Variants in COX7B2 observed in about 807,000 individuals in gnomAD.
The protein encoded by COX7B2 is cytochrome c oxidase subunit 7B2, mitochondrial.
For missense variants in COX7B2, 109 were observed against 95.9 expected (o/e 1.14, Z -0.57); for synonymous variants, 37 against 32.1 (o/e 1.15, Z -0.51).
chr4:46,794,837 C>T (rs1036222636), intron 2 of COX7B2, among the ~76,000 whole-genome samples: 3 of 152,210 alleles, frequency 2.0e-5, no homozygotes, highest in African/African-American at 7.2e-5. Flanking sequence ...TAGTAGGAGC[C>T]TACTAAATTC....
chr4:46,891,455 A>G (rs1719426074), intron 1 of COX7B2, among the ~76,000 whole-genome samples: 1 of 152,184 alleles, frequency 6.6e-6, no homozygotes, highest in African/African-American at 2.4e-5. Flanking sequence ...GGGAGCAGCA[A>G]TGAGGCAAGG....
At chr4:46,866,654 C>A (rs1335300236) in intron 1 of COX7B2, among the ~76,000 whole-genome samples, 2 of 152,048 alleles carry the variant, frequency 1.3e-5, no homozygotes, top group African/African-American at 2.4e-5. Context: ...CCTGAGACAA[C>A]CCTAAGGAAT....
At chr4:46,821,085 G>A (rs997280115) in intron 2 of COX7B2, among the ~76,000 whole-genome samples, 1 of 151,966 alleles carries the variant, frequency 6.6e-6, no homozygotes, top group Non-Finnish European at 1.5e-5. Context: ...CCACTTCTGC[G>A]TTTCGTATCT....
At chr4:46,847,638 AGTAAT>A (rs1259680061) in intron 1 of COX7B2, among the ~76,000 whole-genome samples, 3 of 152,132 alleles carry the variant, frequency 2.0e-5, no homozygotes, top group Non-Finnish European at 4.4e-5. Flanking sequence ...CCAATGGAAA[AGTAAT>A]GTAATTCCTG....
intron 2 of COX7B2, among the ~76,000 whole-genome samples, chr4:46,787,218 C>T (rs755453345): frequency 6.6e-6 from 1 of 152,112 alleles, no homozygotes; most frequent in Non-Finnish European, 1.5e-5. Context: ...GAAGTCGAGG[C>T]GGGCAGATCA....
At chr4:46,810,218 A>G (rs77357531) in intron 2 of COX7B2, among the ~76,000 whole-genome samples, 3 of 152,094 alleles carry the variant, frequency 2.0e-5, no homozygotes, top group African/African-American at 7.2e-5. Flanking sequence ...AAATGGATCA[A>G]ATTATCCAAT....
chr4:46,746,626 A>G (rs1381224734), intron 2 of COX7B2, among the ~76,000 whole-genome samples: 2 of 152,344 alleles, frequency 1.3e-5, no homozygotes, highest in Middle Eastern at 6.8e-3. Context: ...TTTTGTTTCT[A>G]TATCTAAAGT....
chr4:46,881,065 A>G (rs1312777944), intron 1 of COX7B2, among the ~76,000 whole-genome samples: 1 of 151,106 alleles, frequency 6.6e-6, no homozygotes, highest in African/African-American at 2.4e-5. Context: ...ATTTTCTTCA[A>G]TTCAGCTCTA....
chr4:46,850,403 G>A (rs1716597734), intron 1 of COX7B2, among the ~76,000 whole-genome samples: 1 of 151,936 alleles, frequency 6.6e-6, no homozygotes. Context: ...AGGACAAGCT[G>A]GTGAGCATTT....
intron 2 of COX7B2, among the ~76,000 whole-genome samples, chr4:46,833,187 G>C (rs902828851): frequency 6.6e-6 from 1 of 152,102 alleles, no homozygotes; most frequent in African/African-American, 2.4e-5. Context: ...TTACAGGTGT[G>C]AGCCACCGCG....
At chr4:46,763,040 T>TTATTA in intron 2 of COX7B2, among the ~76,000 whole-genome samples, 1 of 131,286 alleles carries the variant, frequency 7.6e-6, no homozygotes, top group Non-Finnish European at 1.6e-5. Flanking sequence ...ATAATATATA[T>TTATTA]TATATATTAT....
At chr4:46,850,420 C>G (rs1163122846) in intron 1 of COX7B2, among the ~76,000 whole-genome samples, 1 of 151,966 alleles carries the variant, frequency 6.6e-6, no homozygotes, top group East Asian at 1.9e-4. Context: ...ATTTTCAAGA[C>G]GGAGCGGGAA....
Position 46,790,160 on chromosome 4 carries a change from C to G in COX7B2, c.-50+54800G>C, listed in dbSNP as rs181783033. On this transcript the variant is annotated intron_variant, in intron 2 of 2. Coordinates refer to ENST00000355591, the MANE Select transcript of COX7B2 (RefSeq NM_130902.3). ...GCTTAGACTCAAGAAACAGAAAAAT[C>G]TGAAGCAGGAACAGAACGAGCAATT... Among the ~76,000 whole-genome samples, 187 of 152,290 alleles carry G rather than the reference C, an allele frequency of 1.2e-3. 1 individual carries two copies. Among genetic ancestry groups the G allele is most frequent in the African/African-American group, 4.3e-3 (177 of 41,568 alleles).
chr4:46,751,598 C>A lies in COX7B2; in HGVS notation c.-49-16357G>T, dbSNP rs73813506. Among the ~76,000 whole-genome samples the A allele has an allele frequency of 3.0e-3, 462 of 152,096 alleles. 4 individuals are homozygous for A. Among genetic ancestry groups the A allele is most frequent in the African/African-American group, 0.011 (438 of 41,516 alleles). On this transcript the variant is annotated intron_variant, in intron 2 of 2. Coordinates refer to ENST00000355591, the MANE Select transcript of COX7B2 (RefSeq NM_130902.3). The stretch of plus-strand genomic sequence containing the variant: ...TTTAGTGTGAGAGCAAGCTATTTAG[C>A]AACCACAAGCCTATATACTTGTAGT...
intron 1 of COX7B2, among the ~76,000 whole-genome samples, chr4:46,886,833 A>G (rs1258410532): frequency 2.0e-5 from 3 of 152,198 alleles, no homozygotes; most frequent in Non-Finnish European, 4.4e-5. Flanking sequence ...CATTAGTTCA[A>G]TATGCAAAAA....
chr4:46,759,300 T>G (rs1458368216), intron 2 of COX7B2, among the ~76,000 whole-genome samples: 1 of 152,058 alleles, frequency 6.6e-6, no homozygotes, highest in Non-Finnish European at 1.5e-5. Flanking sequence ...AGATCAACTA[T>G]GAGGAAAATA....
intron 2 of COX7B2, among the ~76,000 whole-genome samples, chr4:46,762,721 C>T (rs748255198): frequency 8.8e-5 from 13 of 147,306 alleles, no homozygotes; most frequent in Non-Finnish European, 1.8e-4. Flanking sequence ...TGGTACTACT[C>T]TTGTTAAATC....
chr4:46,758,932 A>T (rs1018221003), intron 2 of COX7B2, among the ~76,000 whole-genome samples: 6 of 152,128 alleles, frequency 3.9e-5, no homozygotes, highest in Admixed American at 6.6e-5. Flanking sequence ...CACAAGAAAA[A>T]TTAACTCTCT....
chr4:46,768,459 G>A (rs544980076), intron 2 of COX7B2, among the ~76,000 whole-genome samples: 1 of 152,174 alleles, frequency 6.6e-6, no homozygotes, highest in South Asian at 2.1e-4. Context: ...TATGGGAACA[G>A]GACAGGGGCA....
Sources: allele counts gnomAD v4.1 joint callset (sites outside exome capture counted in the v4.1 genomes callset), GRCh38; gene constraint gnomAD v4.1.1; transcripts MANE v1.5; gene names NCBI Gene and HGNC (gene_info 2026-07-23, HGNC 2026-07-21).